The following KMT2B variants were observed in gnomAD, a reference collection of about 807,000 sequenced individuals.
KMT2B encodes the protein histone-lysine N-methyltransferase 2B.
Under a neutral mutation model 255.3 loss-of-function variants are expected in KMT2B, and 22 were observed. The ratio of observed to expected loss-of-function variants is 0.09; its 90% CI spans 0.06 to 0.12. The LOEUF (loss-of-function observed/expected upper bound fraction) is 0.12, where lower values mean the gene tolerates loss of function less well. Among genes scored for constraint, KMT2B ranks in the 10% least tolerant of loss-of-function variants. The pLI, the probability that KMT2B is intolerant of heterozygous loss-of-function variation, is 1.00. For synonymous variants in KMT2B, 1,730 were observed against 1,498.1 expected (o/e 1.15, Z -3.57); for missense variants, 3,149 against 3,737.0 (o/e 0.84, Z 4.10).
chr19:35,718,300 A>C lies in KMT2B; in HGVS notation c.282A>C (p.Gly94=), dbSNP rs1032124262. 27 of 1,228,780 alleles carry C rather than the reference A, an allele frequency of 2.2e-5. No homozygotes were observed. In the African/African-American group the frequency reaches 4.1e-4, roughly 19 times the overall value. 76.1% of individuals were successfully genotyped at this position (1,228,780 alleles called of 1,614,324 possible). A position where few individuals can be genotyped will look rare whatever the true frequency, so the allele number is the denominator to read the frequency against. Residue 94 remains glycine (G), a synonymous_variant, in exon 1 of 37, where the codon GGA becomes GGC. Transcript: ENST00000420124. The surrounding 1 kb of genome is among the most constrained non-coding windows in gnomAD (Gnocchi z 5.0). ...WAGPRVQRGR[G]RGRGRGWGPS... is the part of the protein sequence containing the mutation. ...GCCCGCGGGTCCAGCGGGGCCGGGG[A>C]CGGGGTCGGGGCCGGGGCTGGGGCC...
In KMT2B at chr19:35,723,541, T is replaced by G. The variant is rs1042261533; in HGVS notation, c.3058+39T>G. The G allele has an allele frequency of 9.1e-6, 14 of 1,536,270 alleles. No homozygotes were observed. The highest frequency in any genetic ancestry group is 1.4e-5 in the African/African-American group (1 of 72,630). ...AGGAGCATTTCTTCTCAAAACCGTG[T>G]TAGAGTTTGTGCTGTGGAGGGAGCT... On this transcript the variant is annotated intron_variant, in intron 7 of 36. Transcript: ENST00000420124. The surrounding 1 kb of genome is among the most constrained non-coding windows in gnomAD (Gnocchi z 7.5).
rs1316391989 is a variant in KMT2B, at chr19:35,721,688, G to A, written c.2341G>A (p.Gly781Ser). The A allele has an allele frequency of 1.2e-6, 2 of 1,611,134 alleles. No homozygotes were observed. Among genetic ancestry groups the A allele is most frequent in the East Asian group, 2.2e-5 (1 of 44,748 alleles). The change falls in exon 3 of 37, where the codon GGT becomes AGT. Residue 781 changes from glycine to serine, a missense_variant. By Grantham distance (56) the Gly-to-Ser change is moderately conservative (BLOSUM62 0). This residue lies in a region of KMT2B where 1,188 missense variants were observed against 1,106.4 expected (regional missense o/e 1.07). Coordinates refer to ENST00000420124, the MANE Select transcript of KMT2B (RefSeq NM_014727.3). ...PLEKARIAGV[G>S]SLPLSGVEEK... ...GGAAAAAGCCCGGATTGCGGGCGTG[G>A]GTTCCTTGCCGCTGTCTGGGGTAGA...
chr19:35,738,030 C>G lies in KMT2B; in HGVS notation c.7743-32C>G, dbSNP rs754076871. 3 of 1,613,674 alleles carry G rather than the reference C, an allele frequency of 1.9e-6. No individual in the cohort carries two copies. The highest frequency in any genetic ancestry group is 2.5e-6 in the Non-Finnish European group (3 of 1,179,758). ...TACTGTCTGGTTTCTGTCCCCCTCC[C>G]CCCTGAGTTCCCTGTTCATCCTGCC... On this transcript the variant is annotated intron_variant, in intron 35 of 36. Transcript: ENST00000420124. The surrounding 1 kb of genome is among the most constrained non-coding windows in gnomAD (Gnocchi z 8.7).
chr19:35,735,739 C>G (rs1056717630), intron 30 of KMT2B: 1 of 152,280 alleles, frequency 6.6e-6, no homozygotes, highest in African/African-American at 2.4e-5. Context: ...AGCCCTCCAC[C>G]TGCACGCCAA....
In KMT2B at chr19:35,732,675, G is replaced by C. The variant is rs1390772834; in HGVS notation, c.6126G>C (p.Val2042=). ...ACATCCACTTCCCTGTGACTGTGGT[G>C]TCCGCCCCTGGTCTGGCCCCCAGCG... is the stretch of plus-strand genomic sequence containing the variant. The part of the protein sequence containing the change: ...SRYIHFPVTV[V]SAPGLAPSAT... The change falls in exon 28 of 37, where the codon GTG becomes GTC. Residue 2042 remains valine (V), a synonymous_variant. Coordinates refer to ENST00000420124, the MANE Select transcript of KMT2B (RefSeq NM_014727.3). 2 of 1,609,346 alleles carry C rather than the reference G, an allele frequency of 1.2e-6. No individual in the cohort carries two copies. The highest frequency in any genetic ancestry group is 2.7e-5 in the African/African-American group (2 of 74,848).
Position 35,733,251 on chromosome 19 carries a change from G to GC in KMT2B, c.6707dup (p.Gly2237ArgfsTer66). On this transcript the variant is annotated frameshift_variant, in exon 28 of 37. Coordinates refer to ENST00000420124, the MANE Select transcript of KMT2B (RefSeq NM_014727.3). LOFTEE classifies it high-confidence loss of function. This position sits in a 1 kb window ranked among gnomAD's most constrained non-coding sequence, Gnocchi z 4.3. ...CCACGGCTCCCACCTCCTGGACTCT[G>GC]CCCCCAGGCCCCCTCCTCGGCGTGC... 1 of 1,460,756 alleles carries GC rather than the reference G, an allele frequency of 6.8e-7. No homozygotes were observed. Among genetic ancestry groups the GC allele is most frequent in the Non-Finnish European group, 9.3e-7 (1 of 1,078,120 alleles). The allele number at this position is 1,460,756 out of a possible 1,614,324, so 90.5% of individuals were successfully genotyped here. A position where few individuals can be genotyped will look rare whatever the true frequency, so the allele number is the denominator to read the frequency against.
In KMT2B at chr19:35,732,727, C is replaced by G. The variant is rs1281558460; in HGVS notation, c.6178C>G (p.Gln2060Glu). ...SATPGAPRIE[Q>E]LDGVDDGTDS... The stretch of plus-strand genomic sequence containing the variant: ...TACCCCTGGAGCCCCCCGCATTGAA[C>G]AGCTGGACGGCGTGGACGACGGCAC... Residue 2060 changes from glutamine (Q) to glutamate (E), a missense_variant, in exon 28 of 37, where the codon CAG becomes GAG. Physicochemically the swap from Gln to Glu is conservative, Grantham distance 29. Coordinates refer to ENST00000420124, the MANE Select transcript of KMT2B (RefSeq NM_014727.3). 6.2e-7 allele frequency: 1 copy of G among 1,610,570 alleles called. No individual in the cohort carries two copies. The highest frequency in any genetic ancestry group is 8.5e-7 in the Non-Finnish European group (1 of 1,178,790).
At chr19:35,731,042 T>C (rs1425133788) in intron 26 of KMT2B, among the ~76,000 whole-genome samples, 175 bp downstream of exon 26, 1 of 152,242 alleles carries the variant, frequency 6.6e-6, no homozygotes. Context: ...TGTGCCCGGC[T>C]TTTCATGGGA....
Position 35,720,544 on chromosome 19 carries a change from A to C in KMT2B, c.1197A>C (p.Ala399=). Residue 399 remains alanine (A), a synonymous_variant, in exon 3 of 37, where the codon GCA becomes GCC. Transcript: ENST00000420124. ...TGCCAGCTGCGGAAAAGGAAGAGGC[A>C]AAGCTGCCACCACCGCCTCTGACTC... is the stretch of plus-strand genomic sequence containing the variant. ...EMMPAAEKEE[A]KLPPPPLTPP... is the part of the protein sequence containing the mutation. The C allele has an allele frequency of 6.5e-7, 1 of 1,547,582 alleles. No homozygotes were observed. Among genetic ancestry groups the C allele is most frequent in the South Asian group, 1.2e-5 (1 of 83,832 alleles).
In KMT2B at chr19:35,725,945, T is replaced by C. The variant is rs1056953947; in HGVS notation, c.3885+127T>C. 3 of 796,642 alleles carry C rather than the reference T, an allele frequency of 3.8e-6. No homozygotes were observed. Among genetic ancestry groups the C allele is most frequent in the Non-Finnish European group, 6.1e-6 (3 of 487,986 alleles). The allele number at this position is 796,642 out of a possible 1,614,324, so 49.3% of individuals were successfully genotyped here. On this transcript the variant is annotated intron_variant, in intron 13 of 36. Coordinates refer to ENST00000420124, the MANE Select transcript of KMT2B (RefSeq NM_014727.3). This position sits in a 1 kb window ranked among gnomAD's most constrained non-coding sequence, Gnocchi z 4.1. ...GATCCTCTTAAGAATTGATTAGTAA[T>C]GTTTCCTCTTCAAAAATTTCACATA...
At position 35,718,596 on chromosome 19, in the gene KMT2B, C is replaced by G. The variant is rs1290755768; in HGVS notation, c.363+215C>G. On this transcript the variant is annotated intron_variant, in intron 1 of 36. Coordinates refer to ENST00000420124, the MANE Select transcript of KMT2B (RefSeq NM_014727.3). The surrounding 1 kb of genome is among the most constrained non-coding windows in gnomAD (Gnocchi z 5.0). ...CCGGCTGCAGCCAGGCACTCGCGCCCGATGTCGGTCCCGCTGAAGTGTCTT... is the reference window on the plus strand; with the variant it reads ...CCGGCTGCAGCCAGGCACTCGCGCCGGATGTCGGTCCCGCTGAAGTGTCTT... 3.3e-5 allele frequency among the ~76,000 whole-genome samples: 5 copies of G among 152,326 alleles called. No homozygotes were observed. In the East Asian group the frequency reaches 9.7e-4, roughly 29 times the overall value.
rs749164001 is a variant in KMT2B, at chr19:35,721,520, C to T, written c.2173C>T (p.Pro725Ser). The T allele has an allele frequency of 4.3e-6, 7 of 1,612,038 alleles. No homozygotes were observed. The highest frequency in any genetic ancestry group is 1.7e-5 in the Admixed American group (1 of 60,018). The change falls in exon 3 of 37, where the codon CCA (proline) becomes TCA (serine). Residue 725 changes from proline to serine, a missense_variant. Coordinates refer to ENST00000420124, the MANE Select transcript of KMT2B (RefSeq NM_014727.3). Reference sequence around the variant, plus strand: ...GGCCGAGGTGTCCCCTCACGGGGCTCCAGCTCTGAGCAACGGGCCACAGAC... The same window carrying T: ...GGCCGAGGTGTCCCCTCACGGGGCTTCAGCTCTGAGCAACGGGCCACAGAC... ...VKAEVSPHGA[P>S]ALSNGPQTQA...
At chr19:35,719,666 G>A in intron 2 of KMT2B, 118 bp from the exon 3 acceptor site, 1 of 1,511,990 alleles carries the variant, frequency 6.6e-7, no homozygotes, top group Non-Finnish European at 9.0e-7. Flanking sequence ...CAGAGTCCAA[G>A]CTAGTCTGGG....
chr19:35,720,832 C>G lies in KMT2B; in HGVS notation c.1485C>G (p.Pro495=). 2 of 1,548,092 alleles carry G rather than the reference C, an allele frequency of 1.3e-6. No homozygotes were observed. The highest frequency in any genetic ancestry group is 1.7e-6 in the Non-Finnish European group (2 of 1,145,172). The change falls in exon 3 of 37, where the codon CCC becomes CCG. Residue 495 remains proline, a synonymous_variant. Coordinates refer to ENST00000420124, the MANE Select transcript of KMT2B (RefSeq NM_014727.3). ...ARAGPEGTSP[P]TPTPSTATGG... is the part of the protein sequence containing the mutation. ...CAGGGCCAGAGGGCACCTCTCCTCCCACTCCAACCCCCAGCACCGCCACGG... is the reference window on the plus strand; with the variant it reads ...CAGGGCCAGAGGGCACCTCTCCTCCGACTCCAACCCCCAGCACCGCCACGG...
In KMT2B at chr19:35,727,466, G is replaced by A; in HGVS notation, c.4146G>A (p.Leu1382=). ...SDEDYEILSG[L]PDSVLYTCGP... is the part of the protein sequence containing the mutation. ...AAGACTACGAGATCCTTTCAGGACT[G>A]CCAGACTCGGTGCTGTACACCTGCG... The change falls in exon 16 of 37, where the codon CTG becomes CTA. Residue 1382 remains leucine (L), a synonymous_variant. Transcript: ENST00000420124. The surrounding 1 kb of genome is among the most constrained non-coding windows in gnomAD (Gnocchi z 4.2). The A allele has an allele frequency of 6.2e-7, 1 of 1,612,986 alleles. No homozygotes were observed. The highest frequency in any genetic ancestry group is 8.5e-7 in the Non-Finnish European group (1 of 1,179,856).
intron 26 of KMT2B, among the ~76,000 whole-genome samples, chr19:35,731,439 G>A (rs180886949): frequency 6.6e-6 from 1 of 152,308 alleles, no homozygotes; most frequent in East Asian, 1.9e-4. Context: ...GACAAGAAGT[G>A]GACAGAGGAG....
Position 35,720,977 on chromosome 19 carries a change from C to T in KMT2B, c.1630C>T (p.Arg544Trp), listed in dbSNP as rs777053465. 6.2e-6 allele frequency: 10 copies of T among 1,612,128 alleles called. No homozygotes were observed. The highest frequency in any genetic ancestry group is 2.2e-5 in the East Asian group (1 of 44,756). ...ARSSRVIKTP[R>W]RFMDEDPPKP... ...CTCCTCCCGTGTCATCAAGACACCC[C>T]GGCGATTTATGGATGAAGACCCCCC... The change falls in exon 3 of 37, where the codon CGG (arginine) becomes TGG (tryptophan). Residue 544 changes from arginine (R) to tryptophan (W), a missense_variant. Arg to Trp is a moderately radical substitution (Grantham distance 101). Transcript: ENST00000420124.
Position 35,725,152 on chromosome 19 carries a change from C to T in KMT2B, c.3528+65C>T, listed in dbSNP as rs1969385285. On this transcript the variant is annotated intron_variant, in intron 10 of 36. Transcript: ENST00000420124. This position sits in a 1 kb window ranked among gnomAD's most constrained non-coding sequence, Gnocchi z 4.1. ...GGAAGAACCTCGATGACTGTGTCAT[C>T]GAGAAGCCAGGTGGGTCTGCCTTGT... 4.4e-6 allele frequency: 7 copies of T among 1,575,280 alleles called. No homozygotes were observed. Among genetic ancestry groups the T allele is most frequent in the Non-Finnish European group, 3.5e-6 (4 of 1,145,298 alleles).
In KMT2B at chr19:35,733,996, G is replaced by A. The variant is rs548425415; in HGVS notation, c.7159+124G>A. On this transcript the variant is annotated intron_variant, in intron 30 of 36. Coordinates refer to ENST00000420124, the MANE Select transcript of KMT2B (RefSeq NM_014727.3). This position sits in a 1 kb window ranked among gnomAD's most constrained non-coding sequence, Gnocchi z 4.3. ...TCCCAGGGGCCAAGCCTGAGGCTCG[G>A]TGCTAGAGTTAGAGATGACCTTGGG... 1.7e-5 allele frequency: 11 copies of A among 666,048 alleles called. No individual in the cohort carries two copies. The highest frequency in any genetic ancestry group is 1.6e-4 in the African/African-American group (9 of 54,758). 41.3% of individuals were successfully genotyped at this position (666,048 alleles called of 1,614,324 possible).
Sources: allele counts gnomAD v4.1 joint callset (sites outside exome capture counted in the v4.1 genomes callset), GRCh38; gene constraint gnomAD v4.1.1; regional missense constraint gnomAD v4.1.1; non-coding constraint Gnocchi (gnomAD v3.1); transcripts MANE v1.5; gene names NCBI Gene and HGNC (gene_info 2026-07-23, HGNC 2026-07-21).